The following ARFGEF2 variants were observed in gnomAD, a reference collection of about 807,000 sequenced individuals.
ARFGEF2 encodes ARF guanine nucleotide exchange factor 2.
A neutral mutation model predicts 219.9 loss-of-function variants in ARFGEF2; 74 were observed. That is an observed-to-expected ratio of 0.34 (90% CI 0.28 to 0.41). ARFGEF2 has a LOEUF of 0.41. Ranked by LOEUF, ARFGEF2 falls within the 10% of genes least tolerant of loss-of-function variation. The probability of loss-of-function intolerance (pLI) is 1.00; values close to 1 mark genes in which losing one functional copy is unlikely to be tolerated. For synonymous variants in ARFGEF2, 733 were observed against 799.2 expected (o/e 0.92, Z 1.40); for missense variants, 1,743 against 2,218.3 (o/e 0.79, Z 4.30).
chr20:48,949,675 G>A (rs902855219), intron 3 of ARFGEF2, among the ~76,000 whole-genome samples: 1 of 152,042 alleles, frequency 6.6e-6, no homozygotes, highest in Non-Finnish European at 1.5e-5. Context: ...GCTAAGGAAG[G>A]GGAAAAGCCA....
chr20:48,988,211 C>T (rs1281444833), intron 16 of ARFGEF2, 93 bp from the exon 17 acceptor site: 10 of 890,904 alleles, frequency 1.1e-5, no homozygotes, highest in South Asian at 5.5e-5. Context: ...GGGGAGTAGT[C>T]GGCTGCTTTT....
chr20:48,956,981 T>TC (rs925388162), intron 6 of ARFGEF2, among the ~76,000 whole-genome samples: 4 of 152,018 alleles, frequency 2.6e-5, no homozygotes, highest in Non-Finnish European at 4.4e-5. Context: ...CGCCCCACCA[T>TC]CCCCCATGCT....
intron 9 of ARFGEF2, among the ~76,000 whole-genome samples, chr20:48,970,406 C>A (rs532090622): frequency 6.6e-6 from 1 of 151,922 alleles, no homozygotes; most frequent in Admixed American, 6.6e-5. Context: ...GTCAAGAGAT[C>A]GAGACCATCC....
intron 3 of ARFGEF2, among the ~76,000 whole-genome samples, chr20:48,950,808 AAAAATATATAT>A (rs1219835490): frequency 4.7e-5 from 2 of 42,288 alleles, no homozygotes; most frequent in African/African-American, 1.5e-4. Context: ...AAAAAAAAAA[AAAAATATATAT>A]ATATATATAT....
chr20:48,976,847 G>C (rs1041492053), intron 14 of ARFGEF2, among the ~76,000 whole-genome samples: 1 of 151,856 alleles, frequency 6.6e-6, no homozygotes, highest in Non-Finnish European at 1.5e-5. Flanking sequence ...AATCACCATT[G>C]GTGCATTTTT....
rs1212143011 is a variant in ARFGEF2, at chr20:49,010,240, C to T, written c.3593C>T (p.Thr1198Ile). The T allele has an allele frequency of 2.4e-5, 38 of 1,613,528 alleles. No homozygotes were observed. Among genetic ancestry groups the T allele is most frequent in the Non-Finnish European group, 3.2e-5 (38 of 1,179,490 alleles). ...EHIMKKNRSP[T>I]IRDMAIRCIA... ...TCCCATTCTTTCCTCAGGTCTCCCACCATCCGGGACATGGCGATCCGCTGC... is the reference window on the plus strand; with the variant it reads ...TCCCATTCTTTCCTCAGGTCTCCCATCATCCGGGACATGGCGATCCGCTGC... Residue 1198 changes from threonine (T) to isoleucine (I), a missense_variant, in exon 27 of 39, where the codon ACC becomes ATC. Coordinates refer to ENST00000371917, the MANE Select transcript of ARFGEF2 (RefSeq NM_006420.3).
chr20:48,961,337 A>G (rs2091149424), intron 6 of ARFGEF2, among the ~76,000 whole-genome samples: 5 of 152,030 alleles, frequency 3.3e-5, no homozygotes. Flanking sequence ...TTAAAAACTA[A>G]GCCACAAAAC....
chr20:48,949,824 G>A (rs1026508779), intron 3 of ARFGEF2, among the ~76,000 whole-genome samples: 5 of 152,138 alleles, frequency 3.3e-5, no homozygotes, highest in Non-Finnish European at 5.9e-5. Context: ...AAAGGGGAAA[G>A]AACAGAACAG....
chr20:49,012,981 A>C (rs528781576), intron 28 of ARFGEF2, among the ~76,000 whole-genome samples: 1 of 152,322 alleles, frequency 6.6e-6, no homozygotes, highest in Admixed American at 6.5e-5. Flanking sequence ...AGGGCTATAC[A>C]TGCAGACTGT....
At chr20:49,020,889 C>A (rs1394583587) in intron 34 of ARFGEF2, among the ~76,000 whole-genome samples, 1 of 152,138 alleles carries the variant, frequency 6.6e-6, no homozygotes, top group Admixed American at 6.6e-5. Context: ...CCTCCCATTC[C>A]CCCAGGGAAC....
chr20:48,928,816 A>G (rs1055690463), intron 1 of ARFGEF2, among the ~76,000 whole-genome samples: 1 of 152,234 alleles, frequency 6.6e-6, no homozygotes, highest in Admixed American at 6.5e-5. Flanking sequence ...TTTAAAGGAA[A>G]AGGAACTGAA....
chr20:48,998,323 G>A lies in ARFGEF2; in HGVS notation c.3263-13G>A. ...AACGAGGCTTTGCTTGTGTTGTTGG[G>A]TCTGGCCTGTAGTTGACTTTGTCCG... On this transcript the variant is annotated splice_polypyrimidine_tract_variant and intron_variant, in intron 24 of 38. Transcript: ENST00000371917. 1 of 1,614,150 alleles carries A rather than the reference G, an allele frequency of 6.2e-7. No individual in the cohort carries two copies. Among genetic ancestry groups the A allele is most frequent in the Non-Finnish European group, 8.5e-7 (1 of 1,180,030 alleles).
At chr20:48,998,529 A>G in intron 25 of ARFGEF2, 24 bp downstream of exon 25, 1 of 1,589,308 alleles carries the variant, frequency 6.3e-7, no homozygotes, top group Non-Finnish European at 8.5e-7. Context: ...TTTAAAAACC[A>G]TTCCTGTTAA....
chr20:48,970,077 G>A (rs1201148335), intron 9 of ARFGEF2, among the ~76,000 whole-genome samples: 1 of 152,202 alleles, frequency 6.6e-6, no homozygotes, highest in African/African-American at 2.4e-5. Flanking sequence ...CACTCTGGGA[G>A]GCCAAGGCGG....
intron 23 of ARFGEF2, among the ~76,000 whole-genome samples, chr20:48,996,579 TA>T (rs1247371656): frequency 6.7e-6 from 1 of 149,882 alleles, no homozygotes; most frequent in African/African-American, 2.5e-5. Context: ...TCTACTAAAA[TA>T]CAAAAAAAAA....
At chr20:48,982,945 C>G (rs754763744) in intron 14 of ARFGEF2, among the ~76,000 whole-genome samples, 5 of 152,196 alleles carry the variant, frequency 3.3e-5, no homozygotes, top group African/African-American at 9.7e-5. Flanking sequence ...CGACCCCTTA[C>G]GCTTCCCGGG....
intron 16 of ARFGEF2, among the ~76,000 whole-genome samples, chr20:48,985,887 AAG>A (rs1278458410): frequency 6.6e-6 from 1 of 152,158 alleles, no homozygotes; most frequent in Middle Eastern, 3.2e-3. Context: ...GCAACTATAA[AAG>A]AGTAGTTTCA....
rs116423193 is a variant in ARFGEF2, at chr20:48,959,797, G to T, written c.839-4033G>T. 8.2e-3 allele frequency among the ~76,000 whole-genome samples: 1,238 copies of T among 151,700 alleles called. 17 individuals are homozygous for T. Among genetic ancestry groups the T allele is most frequent in the African/African-American group, 0.029 (1,200 of 41,338 alleles). The stretch of plus-strand genomic sequence containing the variant: ...ATACTTTTTGTAGAGATGGGGTTTT[G>T]CTGTGTTGTCCAAGCTAGTCTCAAA... On this transcript the variant is annotated intron_variant, in intron 6 of 38. Coordinates refer to ENST00000371917, the MANE Select transcript of ARFGEF2 (RefSeq NM_006420.3).
At chr20:49,026,501 A>G (rs2091603774) in intron 36 of ARFGEF2, among the ~76,000 whole-genome samples, 1 of 151,644 alleles carries the variant, frequency 6.6e-6, no homozygotes, top group African/African-American at 2.4e-5. Flanking sequence ...TTTTTCCAAG[A>G]TGGTGGTGGG....
Sources: gnomAD v4.1 joint callset for allele counts (sites outside exome capture counted in the v4.1 genomes callset) on GRCh38, gnomAD v4.1.1 for gene constraint, MANE v1.5 for transcripts, NCBI Gene and HGNC (gene_info 2026-07-23, HGNC 2026-07-21) for gene names.